The following NEGR1 variants were observed in gnomAD, a reference collection of about 807,000 sequenced individuals.
The protein encoded by NEGR1 is IgLON family member 4.
Under a neutral mutation model 40.9 loss-of-function variants are expected in NEGR1, and 10 were observed. The observed-to-expected ratio is 0.24, with a 90% CI of 0.15 to 0.42. NEGR1 has a LOEUF of 0.42. NEGR1 is among the 10% of genes least tolerant of loss of function. NEGR1 has a pLI of 1.00. For synonymous variants in NEGR1, 185 were observed against 166.8 expected (o/e 1.11, Z -0.84); for missense variants, 352 against 438.9 (o/e 0.80, Z 1.77).
chr1:72,228,962 T>A (rs2100494978), intron 1 of NEGR1, among the ~76,000 whole-genome samples: 1 of 152,222 alleles, frequency 6.6e-6, no homozygotes, highest in South Asian at 2.1e-4. Flanking sequence ...TACCAGAATT[T>A]TTAAAAATGT....
intron 1 of NEGR1, among the ~76,000 whole-genome samples, chr1:72,215,741 A>G (rs901036533): frequency 6.6e-6 from 1 of 152,080 alleles, no homozygotes; most frequent in Non-Finnish European, 1.5e-5. Flanking sequence ...AGAAATAGGA[A>G]CACTTTTACA....
chr1:72,100,103 A>C (rs563950965), intron 1 of NEGR1, among the ~76,000 whole-genome samples: 1 of 152,172 alleles, frequency 6.6e-6, no homozygotes, highest in Non-Finnish European at 1.5e-5. Context: ...GTAACTTTTT[A>C]AAATGCACTT....
intron 6 of NEGR1, among the ~76,000 whole-genome samples, chr1:71,468,112 C>T (rs1170309970): frequency 2.0e-5 from 3 of 151,706 alleles, no homozygotes; most frequent in Non-Finnish European, 4.4e-5. Flanking sequence ...CCAACAGTAC[C>T]GTTTGCCTTT....
rs182970669 is a variant in NEGR1, at chr1:72,144,921, T to C, written c.176+137398A>G. ...TTGATCTTGGTCTTTCATCCAAATA[T>C]AGATATGCAACTCAGTCTCCAGGGC... On this transcript the variant is annotated intron_variant, in intron 1 of 6. Coordinates refer to ENST00000357731, the MANE Select transcript of NEGR1 (RefSeq NM_173808.3). 5.3e-5 allele frequency among the ~76,000 whole-genome samples: 8 copies of C among 152,224 alleles called. 1 individual carries two copies. The South Asian group carries it at 8.3e-4, about 16-fold the overall frequency.
chr1:71,839,619 T>C (rs1659167438), intron 2 of NEGR1, among the ~76,000 whole-genome samples: 2 of 152,018 alleles, frequency 1.3e-5, no homozygotes, highest in Admixed American at 1.3e-4. Context: ...GAGCAAAAAG[T>C]AGTGGCTTAG....
Position 72,016,415 on chromosome 1 carries a change from G to A in NEGR1, c.177-81104C>T, listed in dbSNP as rs182583594. On this transcript the variant is annotated intron_variant, in intron 1 of 6. Coordinates refer to ENST00000357731, the MANE Select transcript of NEGR1 (RefSeq NM_173808.3). ...GTGGGAGAACCAGGTTTCAAACTGA[G>A]GCATGTGTGCCTTTGGAATCCACAC... Among the ~76,000 whole-genome samples, 407 of 152,174 alleles carry A rather than the reference G, an allele frequency of 2.7e-3. 2 individuals carry two copies. The highest frequency in any genetic ancestry group is 9.3e-3 in the African/African-American group (388 of 41,514).
At chr1:71,781,636 A>G (rs2101724435) in intron 2 of NEGR1, among the ~76,000 whole-genome samples, 1 of 152,286 alleles carries the variant, frequency 6.6e-6, no homozygotes, top group African/African-American at 2.4e-5. Flanking sequence ...ATCAGCATTT[A>G]TTGTAACCAC....
chr1:72,040,554 G>T, intron 1 of NEGR1, among the ~76,000 whole-genome samples: 1 of 104,392 alleles, frequency 9.6e-6, no homozygotes, highest in African/African-American at 4.0e-5. Flanking sequence ...AGTTAAATTG[G>T]CAAGCACAGT....
intron 3 of NEGR1, among the ~76,000 whole-genome samples, chr1:71,745,426 A>T (rs1259674033): frequency 6.6e-6 from 1 of 150,672 alleles, no homozygotes; most frequent in Non-Finnish European, 1.5e-5. Flanking sequence ...CTTTCAGGAG[A>T]AATTCCTCTT....
chr1:72,127,860 AAAGAG>A (rs1488442920), intron 1 of NEGR1, among the ~76,000 whole-genome samples: 1 of 152,166 alleles, frequency 6.6e-6, no homozygotes, highest in East Asian at 1.9e-4. Context: ...TCAAAGTATG[AAAGAG>A]AAGACAGAAG....
At chr1:72,116,911 T>A (rs1649602645) in intron 1 of NEGR1, among the ~76,000 whole-genome samples, 1 of 151,744 alleles carries the variant, frequency 6.6e-6, no homozygotes, top group African/African-American at 2.4e-5. Flanking sequence ...ATTGAAATGT[T>A]TTATTATATG....
At chr1:71,979,448 A>G (rs975992275) in intron 1 of NEGR1, among the ~76,000 whole-genome samples, 2 of 152,190 alleles carry the variant, frequency 1.3e-5, no homozygotes, top group African/African-American at 4.8e-5. Context: ...CCATCTGTGA[A>G]AAAATTCCAG....
chr1:71,636,227 A>G (rs1013236460), intron 4 of NEGR1, among the ~76,000 whole-genome samples: 9 of 152,110 alleles, frequency 5.9e-5, no homozygotes, highest in African/African-American at 2.2e-4. Flanking sequence ...GAAAGTAAAT[A>G]AGAGAAGGAA....
At chr1:71,457,123 T>A (rs146613578) in intron 6 of NEGR1, among the ~76,000 whole-genome samples, 2 of 152,260 alleles carry the variant, frequency 1.3e-5, no homozygotes, top group Non-Finnish European at 2.9e-5. Context: ...GGATTCTTCA[T>A]TCACAAGGCA....
At chr1:71,836,010 G>A (rs1232575922) in intron 2 of NEGR1, among the ~76,000 whole-genome samples, 2 of 151,970 alleles carry the variant, frequency 1.3e-5, no homozygotes, top group Non-Finnish European at 1.5e-5. Context: ...GGCCTCCCTG[G>A]TGATTAGCAG....
At chr1:71,875,339 T>C (rs1218091585) in intron 2 of NEGR1, among the ~76,000 whole-genome samples, 1 of 152,200 alleles carries the variant, frequency 6.6e-6, no homozygotes, top group Non-Finnish European at 1.5e-5. Context: ...AAAGTAGGTC[T>C]CTGATTAATA....
At chr1:71,760,452 G>GA (rs572232568) in intron 3 of NEGR1, among the ~76,000 whole-genome samples, 1 of 152,056 alleles carries the variant, frequency 6.6e-6, no homozygotes, top group Non-Finnish European at 1.5e-5. Context: ...AAAACTCTCA[G>GA]AAAAAAGAGT....
At chr1:71,935,876 G>T (rs549345996) in intron 1 of NEGR1, among the ~76,000 whole-genome samples, 17 of 152,210 alleles carry the variant, frequency 1.1e-4, no homozygotes, top group Admixed American at 1.1e-3. Flanking sequence ...TTGGCTCACT[G>T]CAACTTCCAC....
chr1:72,118,807 T>C (rs1007857397), intron 1 of NEGR1, among the ~76,000 whole-genome samples: 3 of 151,838 alleles, frequency 2.0e-5, no homozygotes, highest in African/African-American at 4.8e-5. Context: ...TAAACAATTT[T>C]CTATTGTTTA....
Sources: gnomAD v4.1 joint callset for allele counts (sites outside exome capture counted in the v4.1 genomes callset) on GRCh38, gnomAD v4.1.1 for gene constraint, MANE v1.5 for transcripts, NCBI Gene and HGNC (gene_info 2026-07-23, HGNC 2026-07-21) for gene names.